SORBS2: variants seen among roughly 807,000 people sequenced by gnomAD.
The protein encoded by SORBS2 is sorbin and SH3 domain containing 2.
In SORBS2, 46 loss-of-function variants were observed where a neutral mutation model predicts 97.7. The ratio of observed to expected loss-of-function variants is 0.47; its 90% confidence interval spans 0.37 to 0.60. The LOEUF is 0.60. Ranked by LOEUF, SORBS2 falls within the 20% of genes least tolerant of loss-of-function variation. The probability of loss-of-function intolerance (pLI) is 0.00; values close to 1 mark genes in which losing one functional copy is unlikely to be tolerated. For synonymous variants in SORBS2, 476 were observed against 473.4 expected (o/e 1.01, Z -0.07); for missense variants, 1,316 against 1,282.3 (o/e 1.03, Z -0.40).
chr4:185,587,626 T>G, exon 15 of SORBS2: 1 of 1,613,094 alleles, frequency 6.2e-7, no homozygotes, highest in Non-Finnish European at 8.5e-7. Flanking sequence ...GGGAGCGCAA[T>G]TCACAGCCTC....
At chr4:185,705,622 A>G (rs2098331999) in intron 2 of SORBS2, among the ~76,000 whole-genome samples, 1 of 152,168 alleles carries the variant, frequency 6.6e-6, no homozygotes, top group Non-Finnish European at 1.5e-5. Flanking sequence ...GCAAACATGA[A>G]TGGGGGTTTT....
intron 1 of SORBS2, among the ~76,000 whole-genome samples, chr4:185,896,706 T>C (rs1486585725): frequency 6.6e-6 from 1 of 152,136 alleles, no homozygotes; most frequent in East Asian, 1.9e-4. Context: ...AACAGGATGA[T>C]TGGCAGGGGG....
intron 1 of SORBS2, among the ~76,000 whole-genome samples, chr4:185,922,769 G>T (rs2099261510): frequency 6.6e-6 from 1 of 152,132 alleles, no homozygotes; most frequent in Non-Finnish European, 1.5e-5. Flanking sequence ...ATTACAGAAT[G>T]GTTTCATTTA....
chr4:185,782,802 A>G (rs552174056), intron 1 of SORBS2, among the ~76,000 whole-genome samples: 1 of 152,210 alleles, frequency 6.6e-6, no homozygotes, highest in Non-Finnish European at 1.5e-5. Context: ...TGTGTCATAC[A>G]CTGTAGAGCA....
exon 1 of SORBS2, chr4:185,656,643 T>C: frequency 1.3e-6 from 2 of 1,551,216 alleles, no homozygotes; most frequent in Non-Finnish European, 1.7e-6. Context: ...TTTCATCCTG[T>C]CCCCGGCTTC....
At chr4:185,928,740 G>T (rs1391371447) in intron 1 of SORBS2, among the ~76,000 whole-genome samples, 2 of 152,128 alleles carry the variant, frequency 1.3e-5, no homozygotes, top group African/African-American at 4.8e-5. Flanking sequence ...TAGAGACGGG[G>T]TTTCACCGTG....
intron 1 of SORBS2, among the ~76,000 whole-genome samples, chr4:185,876,017 T>C (rs898693404): frequency 3.9e-5 from 6 of 152,252 alleles, no homozygotes; most frequent in Non-Finnish European, 7.3e-5. Flanking sequence ...CTCTTCTCTG[T>C]GTTTTGTACC....
At position 185,842,893 on chromosome 4, in the gene SORBS2, C is replaced by T. The variant is rs576766450; in HGVS notation, c.-337-67527G>A. Reference sequence around the variant, plus strand: ...GAGGTTGCAGTGAGCCAAGATCACACCACTGTACTCCAGCCTGGCGACAGA... The same window carrying T: ...GAGGTTGCAGTGAGCCAAGATCACATCACTGTACTCCAGCCTGGCGACAGA... On this transcript the variant is annotated intron_variant, in intron 1 of 20. Coordinates refer to the SORBS2 transcript ENST00000284776. Among the ~76,000 whole-genome samples, 329 of 147,152 alleles carry T rather than the reference C, an allele frequency of 2.2e-3. 1 individual carries two copies. Among genetic ancestry groups the T allele is most frequent in the Admixed American group, 5.6e-3 (80 of 14,268 alleles).
At chr4:185,620,382 A>T (rs1048687521) in intron 7 of SORBS2, among the ~76,000 whole-genome samples, 1 of 152,220 alleles carries the variant, frequency 6.6e-6, no homozygotes, top group Non-Finnish European at 1.5e-5. Context: ...AATTGTCTAT[A>T]TAAATATGAT....
intron 1 of SORBS2, among the ~76,000 whole-genome samples, chr4:185,862,875 A>G (rs1158917031): frequency 6.6e-6 from 1 of 152,110 alleles, no homozygotes; most frequent in African/African-American, 2.4e-5. Context: ...AAGCCTGAAC[A>G]TAATTACAGT....
At chr4:185,642,338 A>G (rs62336066) in intron 4 of SORBS2, among the ~76,000 whole-genome samples, 19,945 of 152,120 alleles carry the variant, frequency 0.13, 1,392 homozygotes, top group Non-Finnish European at 0.14. Flanking sequence ...AGGTTAGGGT[A>G]ACATTTTCAT....
At chr4:185,724,373 T>G (rs2098540614) in intron 2 of SORBS2, among the ~76,000 whole-genome samples, 1 of 151,480 alleles carries the variant, frequency 6.6e-6, no homozygotes, top group Admixed American at 6.6e-5. Context: ...TAGTTAATAG[T>G]CTTCATAGCC....
At chr4:185,683,222 GA>G (rs2097900174) in intron 2 of SORBS2, among the ~76,000 whole-genome samples, 1 of 128,216 alleles carries the variant, frequency 7.8e-6, no homozygotes, top group East Asian at 2.3e-4. Context: ...CCTAAAGTGT[GA>G]AATGTTTTTT....
At chr4:185,955,181 A>C (rs1750512484) in intron 1 of SORBS2, among the ~76,000 whole-genome samples, 1 of 152,202 alleles carries the variant, frequency 6.6e-6, no homozygotes, top group African/African-American at 2.4e-5. Flanking sequence ...AATGAAGCAG[A>C]GCACTCTTTG....
At chr4:185,592,878 G>C (rs2095986631) in intron 13 of SORBS2, 1 of 152,184 alleles carries the variant, frequency 6.6e-6, no homozygotes, top group African/African-American at 2.4e-5. Flanking sequence ...CTGCTAACCT[G>C]TTCTTTCCAA....
Position 185,871,088 on chromosome 4 carries a change from A to G in SORBS2, c.-338+85108T>C, listed in dbSNP as rs1412662372. 2.0e-5 allele frequency among the ~76,000 whole-genome samples: 3 copies of G among 152,198 alleles called. No individual in the cohort carries two copies. In the East Asian group the frequency reaches 5.8e-4, roughly 29 times the overall value. ...TGCACCTTTGAATCAATAAAACCACACAGAGTCTATTCCCCTGTAATCAAA... is the reference window on the plus strand; with the variant it reads ...TGCACCTTTGAATCAATAAAACCACGCAGAGTCTATTCCCCTGTAATCAAA... On this transcript the variant is annotated intron_variant, in intron 1 of 20. Transcript: ENST00000284776.
intron 1 of SORBS2, among the ~76,000 whole-genome samples, chr4:185,945,220 G>T (rs1448949073): frequency 6.6e-6 from 1 of 152,214 alleles, no homozygotes; most frequent in Admixed American, 6.5e-5. Flanking sequence ...TCAACTTGTT[G>T]ATACAGTAAC....
chr4:185,732,228 A>G (rs927663407), intron 2 of SORBS2, among the ~76,000 whole-genome samples: 5 of 152,128 alleles, frequency 3.3e-5, no homozygotes, highest in African/African-American at 9.7e-5. Flanking sequence ...AAGTCAGAAC[A>G]ATCAAGAGGA....
chr4:185,678,444 T>C (rs1472466339), exon 4 of SORBS2: 11 of 1,550,620 alleles, frequency 7.1e-6, no homozygotes, highest in South Asian at 1.2e-5. Flanking sequence ...ATCTTTTATC[T>C]TGTAGGTTTG....
Sources: gnomAD v4.1 joint callset for allele counts (sites outside exome capture counted in the v4.1 genomes callset) on GRCh38, gnomAD v4.1.1 for gene constraint, MANE v1.5 for transcripts, NCBI Gene and HGNC (gene_info 2026-07-23, HGNC 2026-07-21) for gene names.